The following KCNIP4 variants were observed in gnomAD, a reference collection of about 807,000 sequenced individuals.
KCNIP4 encodes the protein potassium voltage-gated channel interacting protein 4, also known as Kv channel-interacting protein 4.
A neutral mutation model predicts 34.0 loss-of-function variants in KCNIP4; 12 were observed. The observed-to-expected ratio is 0.35, with a 90% CI of 0.23 to 0.57. The LOEUF is 0.57. KCNIP4 is among the 20% of genes least tolerant of loss of function. The pLI is 0.83. For missense variants in KCNIP4, 238 were observed against 311.7 expected, an observed-to-expected ratio of 0.76 and a Z score of 1.78; for synonymous variants, 124 against 102.2, an observed-to-expected ratio of 1.21 and a Z score of -1.29.
At chr4:21,342,246 A>G (rs1716827994) in intron 1 of KCNIP4, among the ~76,000 whole-genome samples, 1 of 152,098 alleles carries the variant, frequency 6.6e-6, no homozygotes, top group African/African-American at 2.4e-5. Flanking sequence ...AATGCTAGAA[A>G]AAGAACATCC....
At chr4:21,236,842 T>C in intron 1 of KCNIP4, among the ~76,000 whole-genome samples, 1 of 116,608 alleles carries the variant, frequency 8.6e-6, no homozygotes, top group East Asian at 2.3e-4. Flanking sequence ...ACCCCACCTC[T>C]ACTAAAAAAA....
At chr4:21,306,496 C>T (rs1055774545) in intron 1 of KCNIP4, among the ~76,000 whole-genome samples, 1 of 152,164 alleles carries the variant, frequency 6.6e-6, no homozygotes, top group African/African-American at 2.4e-5. Context: ...CCTGTCTCAG[C>T]CTCCCAAAGT....
intron 1 of KCNIP4, among the ~76,000 whole-genome samples, chr4:21,243,836 G>C (rs1446834203): frequency 1.3e-5 from 2 of 152,112 alleles, no homozygotes; most frequent in Non-Finnish European, 2.9e-5. Flanking sequence ...AGAGCATATT[G>C]CATGCTAGAG....
intron 1 of KCNIP4, among the ~76,000 whole-genome samples, chr4:21,693,104 T>TCTTAC (rs1711864163): frequency 5.3e-5 from 5 of 94,994 alleles, no homozygotes; most frequent in Admixed American, 8.7e-5. Context: ...TAGGATCACC[T>TCTTAC]CTTCCAGACA....
chr4:21,483,847 C>T (rs969944232), intron 1 of KCNIP4, among the ~76,000 whole-genome samples: 1 of 151,636 alleles, frequency 6.6e-6, no homozygotes, highest in South Asian at 2.1e-4. Context: ...TGGTACCTCC[C>T]CTGTCTCTCT....
intron 1 of KCNIP4, among the ~76,000 whole-genome samples, chr4:21,354,051 C>T (rs957336803): frequency 1.3e-5 from 2 of 152,062 alleles, no homozygotes; most frequent in Non-Finnish European, 2.9e-5. Context: ...CCAAACTAAG[C>T]TTCATAAGTG....
chr4:21,182,100 G>A (rs1248814323), intron 1 of KCNIP4, among the ~76,000 whole-genome samples: 2 of 152,154 alleles, frequency 1.3e-5, no homozygotes, highest in Non-Finnish European at 2.9e-5. Flanking sequence ...AAAGAGGAAT[G>A]TCTGGGAAAG....
At chr4:21,384,570 T>C (rs535659287) in intron 1 of KCNIP4, among the ~76,000 whole-genome samples, 8 of 152,314 alleles carry the variant, frequency 5.3e-5, no homozygotes, top group South Asian at 4.1e-4. Context: ...CAGATTGATG[T>C]GGAATAACTT....
At chr4:21,561,513 C>A (rs375211932) in intron 1 of KCNIP4, among the ~76,000 whole-genome samples, 33 of 151,982 alleles carry the variant, frequency 2.2e-4, no homozygotes, top group African/African-American at 7.5e-4. Flanking sequence ...TTTCCCTCAA[C>A]AATAATTTCA....
At chr4:21,619,689 T>C (rs1214057709) in intron 1 of KCNIP4, among the ~76,000 whole-genome samples, 1 of 152,188 alleles carries the variant, frequency 6.6e-6, no homozygotes, top group East Asian at 1.9e-4. Flanking sequence ...ACTAATAACT[T>C]TTTCATTCAT....
chr4:21,474,714 C>T (rs1472482049), intron 1 of KCNIP4, among the ~76,000 whole-genome samples: 1 of 151,782 alleles, frequency 6.6e-6, no homozygotes, highest in Non-Finnish European at 1.5e-5. Context: ...TAATTAAAAT[C>T]GGCCAGGCGC....
chr4:21,492,188 C>G (rs1732462235), intron 1 of KCNIP4, among the ~76,000 whole-genome samples: 1 of 151,928 alleles, frequency 6.6e-6, no homozygotes, highest in African/African-American at 2.4e-5. Context: ...TTTACTAACT[C>G]ATTCCTCAAG....
At chr4:21,413,708 C>T (rs1373487113) in intron 1 of KCNIP4, among the ~76,000 whole-genome samples, 2 of 152,160 alleles carry the variant, frequency 1.3e-5, no homozygotes, top group Middle Eastern at 3.2e-3. Flanking sequence ...TTTTAGGAGG[C>T]ATCAATAAAG....
chr4:21,015,869 A>T (rs1265025006), intron 1 of KCNIP4, among the ~76,000 whole-genome samples: 1 of 141,732 alleles, frequency 7.1e-6, no homozygotes, highest in Admixed American at 7.4e-5. Context: ...ACAATATATA[A>T]AAATATATAA....
chr4:21,660,134 C>A (rs1163296656), intron 1 of KCNIP4, among the ~76,000 whole-genome samples: 2 of 152,050 alleles, frequency 1.3e-5, no homozygotes, highest in Non-Finnish European at 2.9e-5. Flanking sequence ...ATTTTTCCAC[C>A]AGGAAATATC....
chr4:21,731,404 TGGA>T (rs1715591370), intron 1 of KCNIP4, among the ~76,000 whole-genome samples: 1 of 151,632 alleles, frequency 6.6e-6, no homozygotes, highest in African/African-American at 2.4e-5. Context: ...GAAGGAGAGG[TGGA>T]GGAGGAGGGG....
intron 1 of KCNIP4, among the ~76,000 whole-genome samples, chr4:21,445,541 C>T (rs376534718): frequency 3.9e-5 from 6 of 152,174 alleles, no homozygotes; most frequent in African/African-American, 4.8e-5. Context: ...CCCTATTTAA[C>T]AAATGGTGCT....
chr4:21,243,692 C>A (rs1760006490), intron 1 of KCNIP4, among the ~76,000 whole-genome samples: 1 of 152,214 alleles, frequency 6.6e-6, no homozygotes, highest in South Asian at 2.1e-4. Flanking sequence ...AACACATAAC[C>A]AAAATCAAGT....
intron 1 of KCNIP4, among the ~76,000 whole-genome samples, chr4:21,476,585 T>C (rs971985823): frequency 5.9e-5 from 9 of 152,158 alleles, no homozygotes; most frequent in African/African-American, 2.2e-4. Flanking sequence ...TGTGAGAATA[T>C]AAATTTCTGT....
Sources: gnomAD v4.1 joint callset for allele counts (sites outside exome capture counted in the v4.1 genomes callset) on GRCh38, gnomAD v4.1.1 for gene constraint, MANE v1.5 for transcripts, NCBI Gene and HGNC (gene_info 2026-07-23, HGNC 2026-07-21) for gene names.